Variants in PDE3A observed in about 807,000 individuals in gnomAD.
PDE3A encodes cGMP-inhibited 3',5'-cyclic phosphodiesterase 3A.
In PDE3A, 43 loss-of-function variants were observed where a neutral mutation model predicts 98.3. The ratio of observed to expected loss-of-function variants is 0.44; its 90% CI spans 0.34 to 0.56. The LOEUF (loss-of-function observed/expected upper bound fraction) is 0.56, where lower values mean the gene tolerates loss of function less well. Ranked by LOEUF, PDE3A falls within the 20% of genes least tolerant of loss-of-function variation. The pLI, the probability that PDE3A is intolerant of heterozygous loss-of-function variation, is 0.01. For missense variants in PDE3A, 1,427 were observed against 1,440.7 expected, an observed-to-expected ratio of 0.99 and a Z score of 0.15; for synonymous variants, 663 against 567.9, an observed-to-expected ratio of 1.17 and a Z score of -2.38.
chr12:20,396,733 A>T (rs142345074), intron 1 of PDE3A, among the ~76,000 whole-genome samples: 1 of 152,108 alleles, frequency 6.6e-6, no homozygotes, highest in Non-Finnish European at 1.5e-5. Context: ...TGATGAGAGA[A>T]GCTGGACCAT....
At position 20,574,507 on chromosome 12, in the gene PDE3A, G is replaced by A. The variant is rs556074730; in HGVS notation, c.1011+17797G>A. On this transcript the variant is annotated intron_variant, in intron 2 of 15. Transcript: ENST00000359062. ...ATCTACTTTGAAAGTTTGTTCTGTG[G>A]ATACAATACGTTGGAAGACATTAAA... Among the ~76,000 whole-genome samples, 3 of 152,080 alleles carry A rather than the reference G, an allele frequency of 2.0e-5. No homozygotes were observed. In the South Asian group the frequency reaches 6.2e-4, roughly 32 times the overall value.
chr12:20,599,361 T>C (rs967590017), intron 2 of PDE3A, among the ~76,000 whole-genome samples: 5 of 152,154 alleles, frequency 3.3e-5, no homozygotes, highest in Non-Finnish European at 7.3e-5. Flanking sequence ...TGAGTAACAC[T>C]GGGAAGTACT....
rs1489963523 is a variant in PDE3A at position 20,377,358 on chromosome 12, G to T, written c.960+7114G>T. 4.0e-4 allele frequency among the ~76,000 whole-genome samples: 61 copies of T among 151,764 alleles called. 2 individuals carry two copies. Among genetic ancestry groups the T allele is most frequent in the Admixed American group, 4.0e-3 (61 of 15,220 alleles). On this transcript the variant is annotated intron_variant, in intron 1 of 15. Coordinates refer to ENST00000359062, the MANE Select transcript of PDE3A (RefSeq NM_000921.5). Reference sequence around the variant, plus strand: ...TGCTTTATTTAACCCAGCATAGCATGTCAACATGTAATCGGTGTAAAAAAA... The same window carrying T: ...TGCTTTATTTAACCCAGCATAGCATTTCAACATGTAATCGGTGTAAAAAAA...
chr12:20,518,424 T>C (rs992282301), intron 1 of PDE3A, among the ~76,000 whole-genome samples: 1 of 152,138 alleles, frequency 6.6e-6, no homozygotes, highest in African/African-American at 2.4e-5. Flanking sequence ...AAAAGATTCA[T>C]TTGGGAGAAG....
chr12:20,474,990 T>A (rs183272776), intron 1 of PDE3A, among the ~76,000 whole-genome samples: 149 of 152,050 alleles, frequency 9.8e-4, no homozygotes, highest in Non-Finnish European at 1.8e-3. Context: ...GAGATGGTAG[T>A]GAGACAGTGC....
intron 1 of PDE3A, among the ~76,000 whole-genome samples, chr12:20,500,312 G>T (rs1053069064): frequency 2.0e-5 from 3 of 152,000 alleles, no homozygotes; most frequent in Non-Finnish European, 4.4e-5. Context: ...ATTCTAATTC[G>T]AATTTAGTGC....
chr12:20,668,499 T>C (rs1335679160), intron 15 of PDE3A, among the ~76,000 whole-genome samples: 1 of 152,252 alleles, frequency 6.6e-6, no homozygotes, highest in East Asian at 1.9e-4. Context: ...CAGCTGGAGA[T>C]CTGAGAACAG....
In PDE3A at chr12:20,688,157, T is replaced by C. The variant is rs1946030043; in HGVS notation, c.*7886T>C. On this transcript the variant is annotated 3_prime_UTR_variant, in exon 16 of 16. Transcript: ENST00000359062. ...CGACAGACCTGAATATGTTTACTAA[T>C]AACTTTGCCAAATTTTTCAACTTCT... Among the ~76,000 whole-genome samples the C allele has an allele frequency of 6.6e-6, 1 of 152,112 alleles. No homozygotes were observed. Among genetic ancestry groups the C allele is most frequent in the African/African-American group, 2.4e-5 (1 of 41,550 alleles).
At chr12:20,672,394 A>G (rs1945507202) in intron 15 of PDE3A, among the ~76,000 whole-genome samples, 2 of 77,678 alleles carry the variant, frequency 2.6e-5, no homozygotes, top group South Asian at 4.6e-4. Context: ...CGCCAAGTCA[A>G]TCCTAAGCCA....
rs550171819 is a variant in PDE3A at position 20,391,410 on chromosome 12, A to G, written c.960+21166A>G. Among the ~76,000 whole-genome samples the G allele has an allele frequency of 1.0e-4, 15 of 148,014 alleles. No individual in the cohort carries two copies. In the East Asian group the frequency reaches 2.2e-3, roughly 21 times the overall value. On this transcript the variant is annotated intron_variant, in intron 1 of 15. Transcript: ENST00000359062. ...ATATACACACACACATACATGCATT[A>G]TACATATATATATATATACAATTCC...
chr12:20,419,524 T>C (rs534622607), intron 1 of PDE3A, among the ~76,000 whole-genome samples: 127 of 151,960 alleles, frequency 8.4e-4, no homozygotes, highest in African/African-American at 3.0e-3. Flanking sequence ...CTGTGTTTTT[T>C]AGTTCCAAGG....
intron 15 of PDE3A, among the ~76,000 whole-genome samples, chr12:20,661,287 C>G (rs1247994014): frequency 6.6e-6 from 1 of 152,104 alleles, no homozygotes; most frequent in Non-Finnish European, 1.5e-5. Flanking sequence ...TAAAGGCATT[C>G]CATTTTATAA....
At chr12:20,440,406 A>G (rs1254130750) in intron 1 of PDE3A, among the ~76,000 whole-genome samples, 1 of 152,202 alleles carries the variant, frequency 6.6e-6, no homozygotes, top group Non-Finnish European at 1.5e-5. Context: ...AGTTGAAATC[A>G]GAGCAGTAAG....
intron 15 of PDE3A, among the ~76,000 whole-genome samples, chr12:20,668,182 TG>T (rs528221863): frequency 2.0e-5 from 3 of 152,208 alleles, no homozygotes; most frequent in Non-Finnish European, 4.4e-5. Context: ...ATCCCGCACC[TG>T]GCTTGGAGGG....
intron 1 of PDE3A, among the ~76,000 whole-genome samples, chr12:20,497,358 A>C (rs945572703): frequency 1.3e-5 from 2 of 151,714 alleles, no homozygotes; most frequent in South Asian, 2.1e-4. Flanking sequence ...TTATATATAA[A>C]CTGATTATTT....
At chr12:20,678,669 G>A (rs76692490) in intron 15 of PDE3A, among the ~76,000 whole-genome samples, 1 of 152,178 alleles carries the variant, frequency 6.6e-6, no homozygotes, top group South Asian at 2.1e-4. Context: ...ACTGTAGCCA[G>A]CTCTAAGTTC....
intron 2 of PDE3A, among the ~76,000 whole-genome samples, chr12:20,576,258 A>G (rs2121326675): frequency 6.6e-6 from 1 of 152,170 alleles, no homozygotes; most frequent in Non-Finnish European, 1.5e-5. Context: ...TTTTAGCATT[A>G]CCAGTCTTTA....
intron 1 of PDE3A, among the ~76,000 whole-genome samples, chr12:20,540,969 C>G (rs1189911128): frequency 1.3e-5 from 2 of 151,404 alleles, no homozygotes; most frequent in Non-Finnish European, 2.9e-5. Flanking sequence ...GACCCTCTCA[C>G]TCCTAACATA....
chr12:20,667,801 G>C (rs1370790963), intron 15 of PDE3A, among the ~76,000 whole-genome samples: 1 of 152,158 alleles, frequency 6.6e-6, no homozygotes, highest in Non-Finnish European at 1.5e-5. Context: ...CTGTTTTTCT[G>C]AATAATGTAT....
Sources: allele counts gnomAD v4.1 joint callset (sites outside exome capture counted in the v4.1 genomes callset), GRCh38; gene constraint gnomAD v4.1.1; transcripts MANE v1.5; gene names NCBI Gene and HGNC (gene_info 2026-07-23, HGNC 2026-07-21).